TMEM132C: variants seen among roughly 807,000 people sequenced by gnomAD.
TMEM132C encodes the protein transmembrane protein 132C.
TMEM132C carries 29 observed loss-of-function variants against 61.4 expected under a neutral mutation model. The observed-to-expected ratio is 0.47, with a 90% CI of 0.35 to 0.64. The LOEUF is 0.64. TMEM132C is among the 30% of genes least tolerant of loss of function. The pLI is 0.00. For synonymous variants in TMEM132C, 656 were observed against 633.1 expected, an observed-to-expected ratio of 1.04 and a Z score of -0.54; for missense variants, 1,408 against 1,476.9, an observed-to-expected ratio of 0.95 and a Z score of 0.76.
intron 3 of TMEM132C, among the ~76,000 whole-genome samples, chr12:128,563,407 T>C (rs1448126411): frequency 6.6e-6 from 1 of 151,988 alleles, no homozygotes; most frequent in Non-Finnish European, 1.5e-5. Flanking sequence ...CTTGTAAAAG[T>C]TTTCAATCAC....
At chr12:128,479,846 T>A (rs1415840405) in intron 2 of TMEM132C, among the ~76,000 whole-genome samples, 1 of 152,208 alleles carries the variant, frequency 6.6e-6, no homozygotes, top group Admixed American at 6.5e-5. Context: ...CCATCTCATG[T>A]GAGTATTGTG....
chr12:128,703,016 G>A (rs1229890474), intron 8 of TMEM132C, among the ~76,000 whole-genome samples: 2 of 152,208 alleles, frequency 1.3e-5, no homozygotes, highest in Non-Finnish European at 2.9e-5. Context: ...GATAAAATGG[G>A]CTCTGGCAGT....
chr12:128,385,505 C>A (rs938706097), intron 1 of TMEM132C, among the ~76,000 whole-genome samples: 3 of 152,212 alleles, frequency 2.0e-5, no homozygotes, highest in African/African-American at 7.2e-5. Flanking sequence ...ATCACATTTC[C>A]TTTTGCCCCT....
intron 5 of TMEM132C, among the ~76,000 whole-genome samples, chr12:128,693,378 G>A (rs558151856): frequency 6.6e-6 from 1 of 152,216 alleles, no homozygotes. Flanking sequence ...TACAGCTGCA[G>A]TTCTGTACAA....
intron 3 of TMEM132C, among the ~76,000 whole-genome samples, chr12:128,612,496 T>C (rs373530402): frequency 2.0e-5 from 3 of 152,348 alleles, no homozygotes; most frequent in African/African-American, 7.2e-5. Flanking sequence ...AACAGGATCC[T>C]GCTGAGTTGC....
At chr12:128,327,093 T>C in intron 1 of TMEM132C, among the ~76,000 whole-genome samples, 1 of 150,152 alleles carries the variant, frequency 6.7e-6, no homozygotes, top group East Asian at 1.9e-4. Flanking sequence ...ATTCACTTAA[T>C]CATTTACCAG....
At chr12:128,652,530 A>T (rs568564760) in intron 4 of TMEM132C, among the ~76,000 whole-genome samples, 1 of 152,360 alleles carries the variant, frequency 6.6e-6, no homozygotes, top group South Asian at 2.1e-4. Flanking sequence ...ACAGCTCGGA[A>T]CACAGAGTTC....
At chr12:128,494,641 A>G (rs572649072) in intron 2 of TMEM132C, among the ~76,000 whole-genome samples, 9 of 152,060 alleles carry the variant, frequency 5.9e-5, no homozygotes, top group Non-Finnish European at 1.3e-4. Flanking sequence ...GTGTGGAGCT[A>G]TTGATAATAT....
At chr12:128,320,387 AT>A (rs1872293236) in intron 1 of TMEM132C, among the ~76,000 whole-genome samples, 1 of 152,286 alleles carries the variant, frequency 6.6e-6, no homozygotes, top group Non-Finnish European at 1.5e-5. Flanking sequence ...GTGCCAAAAT[AT>A]TTAGGATTTG....
chr12:128,526,071 A>C (rs1461078495), intron 2 of TMEM132C, among the ~76,000 whole-genome samples: 2 of 152,240 alleles, frequency 1.3e-5, no homozygotes, highest in Non-Finnish European at 2.9e-5. Flanking sequence ...AGGGTCAGTC[A>C]CAGGGAAGTC....
intron 4 of TMEM132C, among the ~76,000 whole-genome samples, chr12:128,618,751 G>A (rs1169797949): frequency 6.6e-6 from 1 of 152,126 alleles, no homozygotes; most frequent in African/African-American, 2.4e-5. Flanking sequence ...TGCCATGATT[G>A]TGAGACCTCC....
At chr12:128,442,586 T>TAA (rs534900599) in intron 2 of TMEM132C, among the ~76,000 whole-genome samples, 46 of 140,746 alleles carry the variant, frequency 3.3e-4, no homozygotes, top group African/African-American at 1.1e-3. Flanking sequence ...GTCAGTGTTT[T>TAA]AAAAAAAAAA....
At chr12:128,612,259 A>T (rs1380937051) in intron 3 of TMEM132C, among the ~76,000 whole-genome samples, 1 of 152,164 alleles carries the variant, frequency 6.6e-6, no homozygotes, top group East Asian at 1.9e-4. Context: ...TGAGATCTCC[A>T]ACTCCCTGAA....
intron 2 of TMEM132C, among the ~76,000 whole-genome samples, chr12:128,463,541 A>T (rs1246010435): frequency 6.6e-6 from 1 of 151,846 alleles, no homozygotes; most frequent in Non-Finnish European, 1.5e-5. Flanking sequence ...CTGGTCTGGA[A>T]CTCCTGACCT....
chr12:128,438,276 T>C (rs1447840698), intron 2 of TMEM132C: 2 of 152,126 alleles, frequency 1.3e-5, no homozygotes, highest in African/African-American at 2.4e-5. Flanking sequence ...TCATCATGAA[T>C]AGATTAATGT....
intron 4 of TMEM132C, among the ~76,000 whole-genome samples, chr12:128,641,579 T>C (rs4882811): frequency 1 from 151,503 of 152,174 alleles, 75,421 homozygotes; most frequent in Middle Eastern, 1. Context: ...TCACCAAAGA[T>C]TCCTGCAACC....
intron 1 of TMEM132C, among the ~76,000 whole-genome samples, chr12:128,366,706 C>T (rs1232956595): frequency 6.6e-6 from 1 of 152,184 alleles, no homozygotes; most frequent in Non-Finnish European, 1.5e-5. Flanking sequence ...GTTTCAGAAG[C>T]CTCATCTATG....
chr12:128,393,686 G>A (rs932355929), intron 1 of TMEM132C, among the ~76,000 whole-genome samples: 1 of 151,102 alleles, frequency 6.6e-6, no homozygotes, highest in Non-Finnish European at 1.5e-5. Context: ...GTGCCAAGGG[G>A]GACCCAGTTC....
chr12:128,364,321 C>T (rs1404283462), intron 1 of TMEM132C, among the ~76,000 whole-genome samples: 1 of 148,550 alleles, frequency 6.7e-6, no homozygotes, highest in African/African-American at 2.5e-5. Context: ...CTCCTCCCCT[C>T]CCCGCCCCCG....
Sources: gnomAD v4.1 joint callset for allele counts (sites outside exome capture counted in the v4.1 genomes callset) on GRCh38, gnomAD v4.1.1 for gene constraint, MANE v1.5 for transcripts, NCBI Gene and HGNC (gene_info 2026-07-23, HGNC 2026-07-21) for gene names.